PKHD1L1: variants seen among roughly 807,000 people sequenced by gnomAD.
PKHD1L1 encodes the protein fibrocystin-L.
A neutral mutation model predicts 462.9 loss-of-function variants in PKHD1L1; 434 were observed. That is an observed-to-expected ratio of 0.94 (90% confidence interval 0.87 to 1.02). PKHD1L1 has a LOEUF of 1.02. Ranked by LOEUF, PKHD1L1 falls within the 50% of genes least tolerant of loss-of-function variation. The pLI is 0.00. For missense variants in PKHD1L1, 5,202 were observed against 5,096.1 expected, an observed-to-expected ratio of 1.02 and a Z score of -0.63; for synonymous variants, 1,781 against 1,750.0, an observed-to-expected ratio of 1.02 and a Z score of -0.44.
In PKHD1L1 at chr8:109,445,049, TAATACATGGAG is replaced by T. The variant is rs1362848083; in HGVS notation, c.5181_5191del (p.Ile1728AlafsTer37). 1 of 1,613,788 alleles carries T rather than the reference TAATACATGGAG, an allele frequency of 6.2e-7. No homozygotes were observed. The highest frequency in any genetic ancestry group is 8.5e-7 in the Non-Finnish European group (1 of 1,179,874). ...CAACAGCTTGTGGATGTAGATCTTC[TAATACATGGAG>T]TGCCTGCCCAGTGCCAGGGAAACTG... On this transcript the variant is annotated frameshift_variant, in exon 38 of 78. Coordinates refer to ENST00000378402, the MANE Select transcript of PKHD1L1 (RefSeq NM_177531.6). LOFTEE classifies it high-confidence loss of function.
At chr8:109,516,276 T>A (rs1820265868) in intron 72 of PKHD1L1, among the ~76,000 whole-genome samples, 1 of 151,980 alleles carries the variant, frequency 6.6e-6, no homozygotes, top group Non-Finnish European at 1.5e-5. Context: ...ACAACAGAAA[T>A]TTATTTTCTC....
At chr8:109,518,032 G>A (rs1360326611) in intron 72 of PKHD1L1, 135 bp from the exon 73 acceptor site, 6 of 642,186 alleles carry the variant, frequency 9.3e-6, no homozygotes, top group Non-Finnish European at 1.3e-5. Flanking sequence ...TTTTAAAAAG[G>A]TATGCTTTCT....
At chr8:109,378,782 G>A (rs1811963035) in intron 2 of PKHD1L1, among the ~76,000 whole-genome samples, 1 of 152,204 alleles carries the variant, frequency 6.6e-6, no homozygotes, top group Non-Finnish European at 1.5e-5. Context: ...GGCAGTCGAA[G>A]AGGACTTCAC....
intron 23 of PKHD1L1, among the ~76,000 whole-genome samples, chr8:109,423,258 A>T (rs548831328): frequency 1.3e-5 from 2 of 152,244 alleles, no homozygotes; most frequent in East Asian, 3.9e-4. Context: ...AAAATCCTAC[A>T]GATTTACATT....
At chr8:109,493,540 C>A in intron 62 of PKHD1L1, 121 bp from the exon 63 acceptor site, 1 of 491,768 alleles carries the variant, frequency 2.0e-6, no homozygotes. Context: ...TACAAATTTT[C>A]CTCCTGAAAA....
Position 109,408,110 on chromosome 8 carries a change from A to C in PKHD1L1, c.1875A>C (p.Thr625=), listed in dbSNP as rs1391176972. Residue 625 remains threonine (T), a synonymous_variant, in exon 18 of 78, where the codon ACA becomes ACC. Coordinates refer to ENST00000378402, the MANE Select transcript of PKHD1L1 (RefSeq NM_177531.6). ...GGAATAATGTCACACTGGATATTAC[A>C]GAACAAACCAAAGGAAAACCCAACT... is the stretch of plus-strand genomic sequence containing the variant. ...VEGNNVTLDI[T]EQTKGKPNLE... The C allele has an allele frequency of 6.2e-7, 1 of 1,613,454 alleles. No individual in the cohort carries two copies. Among genetic ancestry groups the C allele is most frequent in the South Asian group, 1.1e-5 (1 of 91,062 alleles).
chr8:109,502,445 C>G (rs895463613), intron 67 of PKHD1L1, among the ~76,000 whole-genome samples: 1 of 152,176 alleles, frequency 6.6e-6, no homozygotes, highest in Admixed American at 6.5e-5. Flanking sequence ...TTATACACAT[C>G]CAGAGCATTC....
intron 12 of PKHD1L1, 53 bp from the exon 13 acceptor site, chr8:109,400,023 A>G: frequency 1.3e-6 from 2 of 1,515,408 alleles, no homozygotes; most frequent in Non-Finnish European, 1.8e-6. Context: ...AAAGCCATTG[A>G]GGCATTGCAT....
chr8:109,503,718 C>A (rs945224464), intron 67 of PKHD1L1, among the ~76,000 whole-genome samples: 16 of 152,112 alleles, frequency 1.1e-4, no homozygotes, highest in African/African-American at 3.6e-4. Context: ...AAACAACCCC[C>A]CAAATTTAGA....
At chr8:109,439,235 GA>G in intron 32 of PKHD1L1, 143 bp downstream of exon 32, 1 of 727,408 alleles carries the variant, frequency 1.4e-6, no homozygotes, top group Non-Finnish European at 2.2e-6. Flanking sequence ...AAGATGCCGA[GA>G]ATATCTCATA....
At chr8:109,464,093 T>G in intron 48 of PKHD1L1, 123 bp from the exon 49 acceptor site, 1 of 653,972 alleles carries the variant, frequency 1.5e-6, no homozygotes, top group Non-Finnish European at 2.1e-6. Flanking sequence ...ATAATAAACA[T>G]GAAAAATTTG....
At chr8:109,434,087 C>A (rs1193431648) in intron 28 of PKHD1L1, among the ~76,000 whole-genome samples, 1 of 151,906 alleles carries the variant, frequency 6.6e-6, no homozygotes, top group Non-Finnish European at 1.5e-5. Flanking sequence ...CATCACACAC[C>A]AGGGCCTGTC....
At chr8:109,429,844 A>C in intron 26 of PKHD1L1, 88 bp from the exon 27 acceptor site, 1 of 876,140 alleles carries the variant, frequency 1.1e-6, no homozygotes, top group Non-Finnish European at 1.8e-6. Context: ...CAAACCAACA[A>C]AATTCCATCA....
intron 21 of PKHD1L1, among the ~76,000 whole-genome samples, chr8:109,414,440 T>C (rs1161880266): frequency 2.6e-5 from 4 of 152,146 alleles, no homozygotes; most frequent in South Asian, 2.1e-4. Flanking sequence ...ATAAAGTTTT[T>C]CTCATAAAAA....
At chr8:109,473,804 C>A (rs1488352423) in intron 50 of PKHD1L1, among the ~76,000 whole-genome samples, 1 of 152,070 alleles carries the variant, frequency 6.6e-6, no homozygotes, top group African/African-American at 2.4e-5. Context: ...GGGCTGAGCT[C>A]AGGTAACTCC....
intron 16 of PKHD1L1, among the ~76,000 whole-genome samples, 198 bp downstream of exon 16, chr8:109,405,328 C>T (rs1813479876): frequency 6.6e-6 from 1 of 152,070 alleles, no homozygotes; most frequent in South Asian, 2.1e-4. Flanking sequence ...AACTTTGTGG[C>T]ATATACCATC....
Position 109,444,863 on chromosome 8 carries a change from T to C in PKHD1L1, c.4994T>C (p.Leu1665Ser). The part of the protein sequence containing the change: ...FVLLPNIDLV[L>S]PNAGSTTGMT... The stretch of plus-strand genomic sequence containing the variant: ...CTTTTGCCAAACATTGACCTGGTGT[T>C]GCCAAATGCAGGATCAACTACAGGA... The change falls in exon 38 of 78, where the codon TTG becomes TCG. Residue 1665 changes from leucine (L) to serine (S), a missense_variant. This residue lies in a region of PKHD1L1 where 4,497 missense variants were observed against 4,336.8 expected (regional missense o/e 1.04). Coordinates refer to ENST00000378402, the MANE Select transcript of PKHD1L1 (RefSeq NM_177531.6). 1 of 1,614,024 alleles carries C rather than the reference T, an allele frequency of 6.2e-7. No homozygotes were observed. Among genetic ancestry groups the C allele is most frequent in the Non-Finnish European group, 8.5e-7 (1 of 1,179,886 alleles).
intron 36 of PKHD1L1, among the ~76,000 whole-genome samples, chr8:109,443,436 A>T (rs961364949): frequency 5.9e-5 from 9 of 152,110 alleles, no homozygotes; most frequent in African/African-American, 1.9e-4. Context: ...ATGGGGTCTG[A>T]CCTTGGACAA....
rs566216469 is a variant in PKHD1L1, at chr8:109,366,957, G to C, written c.163+2321G>C. Among the ~76,000 whole-genome samples the C allele has an allele frequency of 2.0e-5, 3 of 152,204 alleles. No individual in the cohort carries two copies. The South Asian group carries it at 6.2e-4, about 32-fold the overall frequency. On this transcript the variant is annotated intron_variant, in intron 2 of 77. Coordinates refer to ENST00000378402, the MANE Select transcript of PKHD1L1 (RefSeq NM_177531.6). Reference sequence around the variant, plus strand: ...TCTGCCCACCTCAGCCTCCCAAAGTGCTGGGATTACAGGCATGAGCCACTG... The same window carrying C: ...TCTGCCCACCTCAGCCTCCCAAAGTCCTGGGATTACAGGCATGAGCCACTG...
Sources: gnomAD v4.1 joint callset for allele counts (sites outside exome capture counted in the v4.1 genomes callset) on GRCh38, gnomAD v4.1.1 for gene constraint, gnomAD v4.1.1 regional missense constraint, MANE v1.5 for transcripts, NCBI Gene and HGNC (gene_info 2026-07-23, HGNC 2026-07-21) for gene names.